PHEX: variants seen among roughly 807,000 people sequenced by gnomAD.
The protein encoded by PHEX is phosphate regulating endopeptidase X-linked, also known as phosphate-regulating neutral endopeptidase PHEX.
Under a neutral mutation model 68.0 loss-of-function variants are expected in PHEX, and 16 were observed. The observed-to-expected ratio is 0.24, with a 90% CI of 0.16 to 0.36. The LOEUF is 0.36. Ranked by LOEUF, PHEX falls within the 10% of genes least tolerant of loss-of-function variation. The pLI is 1.00. For synonymous variants in PHEX, 208 were observed against 205.1 expected (o/e 1.01, Z -0.12); for missense variants, 480 against 575.5 (o/e 0.83, Z 1.70).
intron 12 of PHEX, among the ~76,000 whole-genome samples, chrX:22,166,192 A>G (rs1417243503): frequency 3.6e-5 from 4 of 112,000 alleles, no homozygotes; most frequent in Non-Finnish European, 7.5e-5. Context: ...ACTGCCTCCA[A>G]TCTTTCTGGC....
chrX:22,150,511 AC>A (rs1265150594), intron 12 of PHEX, among the ~76,000 whole-genome samples: 2 of 112,347 alleles, frequency 1.8e-5, no homozygotes, highest in African/African-American at 6.5e-5. Context: ...CAATAGGCAA[AC>A]AAATGGGTGT....
chrX:22,041,265 C>CTCTCTCTCTATATA (rs1468778300), intron 2 of PHEX, among the ~76,000 whole-genome samples: 11 of 72,821 alleles, frequency 1.5e-4, no homozygotes, highest in African/African-American at 5.1e-4. Context: ...CTCTCTCTCT[C>CTCTCTCTCTATATA]TATATATATA....
In PHEX at chrX:22,064,008, C is replaced by T. The variant is rs1345230747; in HGVS notation, c.350-12380C>T. On this transcript the variant is annotated intron_variant, in intron 3 of 21. Coordinates refer to ENST00000379374, the MANE Select transcript of PHEX (RefSeq NM_000444.6). ...TATTTCATCAAATCAAAAATATTGT[C>T]AACTGTAAGATGCACCATTGTTTCA... Among the ~76,000 whole-genome samples, 3 of 112,471 alleles carry T rather than the reference C, an allele frequency of 2.7e-5. 1 individual carries two copies. The highest frequency in any genetic ancestry group is 3.8e-5 in the Non-Finnish European group (2 of 53,313).
At position 22,190,493 on chromosome X, in the gene PHEX, A is replaced by T; in HGVS notation, c.1636A>T (p.Asn546Tyr). ...TVNAFYSAST[N>Y]QIRFPAGELQ... ...CAATGCCTTCTACAGTGCATCCACC[A>T]ACCAGATCCGTGAGTACGGGTTCCT... The change falls in exon 15 of 22, where the codon AAC (asparagine) becomes TAC (tyrosine). Residue 546 changes from asparagine (N) to tyrosine (Y), a missense_variant. Coordinates refer to ENST00000379374, the MANE Select transcript of PHEX (RefSeq NM_000444.6). The T allele has an allele frequency of 8.4e-7, 1 of 1,187,242 alleles. No individual in the cohort carries two copies. Among genetic ancestry groups the T allele is most frequent in the Non-Finnish European group, 1.1e-6 (1 of 872,922 alleles).
At chrX:22,040,975 G>A (rs751006718) in intron 2 of PHEX, among the ~76,000 whole-genome samples, 63 of 109,036 alleles carry the variant, frequency 5.8e-4, no homozygotes, top group Admixed American at 1.7e-3. Context: ...GGTGACAGAC[G>A]ATGCTGTCTT....
intron 11 of PHEX, among the ~76,000 whole-genome samples, chrX:22,120,076 G>A (rs1348601933): frequency 9.0e-6 from 1 of 111,525 alleles, no homozygotes; most frequent in Non-Finnish European, 1.9e-5. Flanking sequence ...AAAATGTGGT[G>A]ATGATAATAA....
chrX:22,055,207 A>C (rs7062174), intron 3 of PHEX, among the ~76,000 whole-genome samples: 54,081 of 96,262 alleles, frequency 0.56, 11,894 homozygotes, highest in African/African-American at 0.67. Context: ...AAAAAAAAAA[A>C]AAAAAAAACA....
At chrX:22,083,511 A>AT (rs1343693702) in intron 5 of PHEX, among the ~76,000 whole-genome samples, 2 of 112,027 alleles carry the variant, frequency 1.8e-5, no homozygotes, top group Non-Finnish European at 1.9e-5. Context: ...GTATCCTTCC[A>AT]TTTTTTTGTG....
At chrX:22,070,462 T>C (rs1001855039) in intron 3 of PHEX, among the ~76,000 whole-genome samples, 2 of 111,606 alleles carry the variant, frequency 1.8e-5, no homozygotes, top group Non-Finnish European at 3.8e-5. Context: ...GGAGGATCAC[T>C]TGAGACTAGG....
chrX:22,052,115 G>A (rs1321692887), intron 3 of PHEX, among the ~76,000 whole-genome samples: 1 of 111,720 alleles, frequency 9.0e-6, no homozygotes, highest in East Asian at 2.8e-4. Flanking sequence ...CAAATAAACA[G>A]CAAAAGAAGC....
intron 1 of PHEX, among the ~76,000 whole-genome samples, chrX:22,035,579 G>C (rs897724153): frequency 1.8e-5 from 2 of 111,408 alleles, no homozygotes; most frequent in Non-Finnish European, 3.8e-5. Flanking sequence ...TATTTTTCCT[G>C]ACCATGAAAA....
rs372676841 is a variant in PHEX, at chrX:22,183,793, C to A, written c.1586+5417C>A. ...AATTTTCAGGGTCTTCTCAGGGGCT[C>A]CTGCATATTGGCAATACAGTCAGTC... On this transcript the variant is annotated intron_variant, in intron 14 of 21. Coordinates refer to ENST00000379374, the MANE Select transcript of PHEX (RefSeq NM_000444.6). Among the ~76,000 whole-genome samples the A allele has an allele frequency of 3.6e-5, 4 of 111,047 alleles. No individual in the cohort carries two copies. In the East Asian group the frequency reaches 8.5e-4, roughly 23 times the overall value.
chrX:22,221,689 A>G lies in PHEX; in HGVS notation c.1845A>G (p.Thr615=), dbSNP rs912332017. Reference sequence around the variant, plus strand: ...CAGAAGAAAAGTTTAAGGAAAAAACAAAATGCATGATTAACCAGTATAGCA... The same window carrying G: ...CAGAAGAAAAGTTTAAGGAAAAAACGAAATGCATGATTAACCAGTATAGCA... ...TESEEKFKEK[T]KCMINQYSNY... Residue 615 remains threonine (T), a synonymous_variant, in exon 18 of 22, where the codon ACA becomes ACG. Transcript: ENST00000379374. 1 of 1,201,884 alleles carries G rather than the reference A, an allele frequency of 8.3e-7. No homozygotes were observed. Among genetic ancestry groups the G allele is most frequent in the South Asian group, 1.8e-5 (1 of 56,804 alleles).
intron 9 of PHEX, among the ~76,000 whole-genome samples, chrX:22,109,181 T>C (rs1930842686): frequency 9.0e-6 from 1 of 111,311 alleles, no homozygotes; most frequent in Non-Finnish European, 1.9e-5. Flanking sequence ...ACAAAAGAAA[T>C]ACAATGGTGG....
intron 11 of PHEX, among the ~76,000 whole-genome samples, chrX:22,131,122 C>G (rs1026340394): frequency 9.0e-6 from 1 of 110,829 alleles, no homozygotes; most frequent in East Asian, 2.8e-4. Context: ...TCACTGTGAC[C>G]TCTGCCTCCC....
At chrX:22,059,659 T>C (rs1928273033) in intron 3 of PHEX, among the ~76,000 whole-genome samples, 1 of 111,891 alleles carries the variant, frequency 8.9e-6, no homozygotes, top group Admixed American at 9.6e-5. Context: ...TATGTAAGGA[T>C]TGCTAGAGCA....
intron 11 of PHEX, among the ~76,000 whole-genome samples, chrX:22,132,976 T>A (rs962650274): frequency 9.0e-6 from 1 of 110,884 alleles, no homozygotes; most frequent in Non-Finnish European, 1.9e-5. Context: ...AACCTCCACC[T>A]CTTGGGCTCA....
At chrX:22,214,239 T>C (rs1935015596) in intron 16 of PHEX, among the ~76,000 whole-genome samples, 2 of 111,426 alleles carry the variant, frequency 1.8e-5, no homozygotes, top group African/African-American at 6.5e-5. Context: ...CCTCCATCTT[T>C]AAAGTTCCAT....
chrX:22,249,449 A>ATAT lies in PHEX; in HGVS notation c.*1496_*1497insTAT, dbSNP rs1275475212. 2 of 28,985 alleles carry ATAT rather than the reference A, an allele frequency of 6.9e-5. No homozygotes were observed. Among genetic ancestry groups the ATAT allele is most frequent in the African/African-American group, 4.1e-4 (2 of 4,862 alleles). The allele number at this position is 28,985 out of a possible 1,213,427, so 2.4% of individuals were successfully genotyped here. Reference sequence around the variant, plus strand: ...TGTGATTTGTGATTCTTTTAAAAAAAAAAAAAATATATATATATATATATA... The same window carrying ATAT: ...TGTGATTTGTGATTCTTTTAAAAAAATATAAAAAAATATATATATATATATATA... On this transcript the variant is annotated 3_prime_UTR_variant, in exon 22 of 22. Transcript: ENST00000379374.
Sources: allele counts gnomAD v4.1 joint callset (sites outside exome capture counted in the v4.1 genomes callset), GRCh38; gene constraint gnomAD v4.1.1; transcripts MANE v1.5; gene names NCBI Gene and HGNC (gene_info 2026-07-23, HGNC 2026-07-21).